The following NBPF15 variants were observed in gnomAD, a reference collection of about 807,000 sequenced individuals.
NBPF15 encodes the protein NBPF member 15.
A neutral mutation model predicts 62.2 loss-of-function variants in NBPF15; 74 were observed. That is an observed-to-expected ratio of 1.19 (90% CI 0.99 to 1.44). The LOEUF is 1.44. Among genes scored for constraint, NBPF15 ranks in the 40% most tolerant of loss-of-function variants. The probability of loss-of-function intolerance (pLI) is 0.00; values close to 1 mark genes in which losing one functional copy is unlikely to be tolerated. For synonymous variants in NBPF15, 244 were observed against 209.7 expected (o/e 1.16, Z -1.41); for missense variants, 790 against 550.0 (o/e 1.44, Z -4.36).
rs587682780 is a variant in NBPF15, at chr1:144,444,112, C to T, written c.-190-3817G>A. ...TGTGGCTATACCATGTATGTTTGTA[C>T]TTTCACTTGTTATTGGACATTTCTA... On this transcript the variant is annotated intron_variant, in intron 6 of 21. Transcript: ENST00000581897. Among the ~76,000 whole-genome samples, 867 of 151,786 alleles carry T rather than the reference C, an allele frequency of 5.7e-3. 14 individuals are homozygous for T. The highest frequency in any genetic ancestry group is 0.018 in the African/African-American group (756 of 41,324).
Position 144,424,782 on chromosome 1 carries a change from C to T in NBPF15, c.1571G>A (p.Ser524Asn). The change falls in exon 20 of 22, where the codon AGT (serine) becomes AAT (asparagine). Residue 524 changes from serine (S) to asparagine (N), a missense_variant. Physicochemically the swap from Ser to Asn is conservative, Grantham distance 46. Coordinates refer to ENST00000581897, the MANE Select transcript of NBPF15 (RefSeq NM_001385408.1). Reference sequence around the variant, plus strand: ...GCAGGAGTCAGGCTGTTCAAGACAACTGGAAGGAGTTGAATAACATCTATC... The same window carrying T: ...GCAGGAGTCAGGCTGTTCAAGACAATTGGAAGGAGTTGAATAACATCTATC... ...SLDRCYSTPSSCLEQPDSCQP... is the reference protein window; with the variant it reads ...SLDRCYSTPSNCLEQPDSCQP... 1.7e-6 allele frequency: 1 copy of T among 592,524 alleles called. No individual in the cohort carries two copies. Among genetic ancestry groups the T allele is most frequent in the East Asian group, 2.8e-5 (1 of 35,978 alleles). 36.7% of individuals were successfully genotyped at this position (592,524 alleles called of 1,614,324 possible). A position where few individuals can be genotyped will look rare whatever the true frequency, so the allele number is the denominator to read the frequency against.
intron 3 of NBPF15, among the ~76,000 whole-genome samples, chr1:144,458,135 G>A (rs1649571696): frequency 1.3e-5 from 2 of 151,836 alleles, no homozygotes; most frequent in South Asian, 4.2e-4. Flanking sequence ...CTATTATGTA[G>A]AATACTATTG....
rs1675658330 is a variant in NBPF15 at position 144,433,052 on chromosome 1, G to A, written c.824+721C>T. Among the ~76,000 whole-genome samples the A allele has an allele frequency of 1.3e-5, 2 of 151,904 alleles. 1 individual carries two copies. The highest frequency in any genetic ancestry group is 4.8e-5 in the African/African-American group (2 of 41,354). On this transcript the variant is annotated intron_variant, in intron 13 of 21. Transcript: ENST00000581897. ...TATTCCAAAATTGACCACATAGTTG[G>A]AGGTAAAGCACTCGTCAGCAAATGT...
intron 5 of NBPF15, among the ~76,000 whole-genome samples, chr1:144,449,658 C>T (rs1206557890): frequency 2.0e-5 from 3 of 151,992 alleles, no homozygotes; most frequent in Admixed American, 1.3e-4. Context: ...ACCCACAGGA[C>T]AGAGGGTCAG....
intron 4 of NBPF15, among the ~76,000 whole-genome samples, chr1:144,454,011 CTG>C (rs1692860683): frequency 8.6e-6 from 1 of 116,330 alleles, no homozygotes; most frequent in Non-Finnish European, 1.7e-5. Flanking sequence ...AATAAACAAA[CTG>C]TGTTGTAGCC....
chr1:144,430,847 C>T (rs1673645342), intron 13 of NBPF15, among the ~76,000 whole-genome samples: 1 of 151,950 alleles, frequency 6.6e-6, no homozygotes, highest in African/African-American at 2.4e-5. Context: ...AGACGAATGG[C>T]TAACCAGAAT....
At chr1:144,432,082 T>C (rs1241067012) in intron 13 of NBPF15, among the ~76,000 whole-genome samples, 1 of 152,058 alleles carries the variant, frequency 6.6e-6, no homozygotes, top group African/African-American at 2.4e-5. Flanking sequence ...CCTTCCACAA[T>C]CATTGAACTA....
At chr1:144,431,981 G>A (rs1358064032) in intron 13 of NBPF15, among the ~76,000 whole-genome samples, 3 of 151,390 alleles carry the variant, frequency 2.0e-5, no homozygotes, top group South Asian at 2.1e-4. Flanking sequence ...ACAGCAGCAT[G>A]ATTTATAATC....
chr1:144,422,743 C>G lies in NBPF15; in HGVS notation c.*270G>C. On this transcript the variant is annotated 3_prime_UTR_variant, in exon 22 of 22. Transcript: ENST00000581897. ...ATCCCTGAGGAATTTTGTAGCTACC[C>G]AGAGATACGTGGTTCAAATTAAAAT... is the stretch of plus-strand genomic sequence containing the variant. 1 of 706,244 alleles carries G rather than the reference C, an allele frequency of 1.4e-6. No homozygotes were observed. The allele number at this position is 706,244 out of a possible 1,614,324, so 43.7% of individuals were successfully genotyped here. A position where few individuals can be genotyped will look rare whatever the true frequency, so the allele number is the denominator to read the frequency against.
chr1:144,451,449 G>C (rs1352105887), intron 4 of NBPF15, among the ~76,000 whole-genome samples: 1 of 151,096 alleles, frequency 6.6e-6, no homozygotes, highest in Non-Finnish European at 1.5e-5. Context: ...GACCCTTTAC[G>C]GGTGTCGGGC....
At chr1:144,425,067 C>G (rs1196769025) in intron 19 of NBPF15, among the ~76,000 whole-genome samples, 11 of 114,248 alleles carry the variant, frequency 9.6e-5, no homozygotes, top group Non-Finnish European at 1.3e-4. Context: ...TAGACACACA[C>G]ACACACACAC....
chr1:144,452,140 A>G (rs1172890677), intron 4 of NBPF15, among the ~76,000 whole-genome samples: 2 of 151,904 alleles, frequency 1.3e-5, no homozygotes, highest in East Asian at 1.9e-4. Context: ...GAAAAGAGAA[A>G]TAACTCCATC....
In NBPF15 at chr1:144,436,911, G is replaced by A; in HGVS notation, c.477C>T (p.Val159=). ...AEGCRLTQHL[V]QKLSPENDND... ...CCACCTTACCTGGGCTGAGCTTTTGGACAAGGTGCTGTGTCAGTCTACACC... is the reference window on the plus strand; with the variant it reads ...CCACCTTACCTGGGCTGAGCTTTTGAACAAGGTGCTGTGTCAGTCTACACC... The change falls in exon 10 of 22, where the codon GTC becomes GTT. Residue 159 remains valine, a synonymous_variant. Coordinates refer to ENST00000581897, the MANE Select transcript of NBPF15 (RefSeq NM_001385408.1). The A allele has an allele frequency of 2.5e-6, 4 of 1,612,028 alleles. No individual in the cohort carries two copies. The highest frequency in any genetic ancestry group is 2.2e-5 in the South Asian group (2 of 90,974).
At chr1:144,444,262 T>G (rs1374691461) in intron 6 of NBPF15, among the ~76,000 whole-genome samples, 3 of 146,310 alleles carry the variant, frequency 2.1e-5, no homozygotes, top group African/African-American at 8.1e-5. Flanking sequence ...CAATTAAATA[T>G]TAAGAGGAAA....
chr1:144,424,573 A>T (rs1668239018), intron 20 of NBPF15, 117 bp downstream of exon 20: 4 of 647,338 alleles, frequency 6.2e-6, no homozygotes, highest in Non-Finnish European at 1.1e-5. Context: ...ATGTGCCTAT[A>T]GGTCCTCACT....
intron 5 of NBPF15, among the ~76,000 whole-genome samples, chr1:144,449,773 C>A (rs1689955901): frequency 6.6e-6 from 1 of 151,586 alleles, no homozygotes; most frequent in Admixed American, 6.6e-5. Context: ...CATGTTCCCT[C>A]ATTTTGAACT....
chr1:144,427,680 C>T (rs1670753962), intron 16 of NBPF15, 138 bp downstream of exon 16: 5 of 632,256 alleles, frequency 7.9e-6, no homozygotes, highest in Admixed American at 7.9e-5. Flanking sequence ...ACTAGAGTTT[C>T]ATTCAACCTA....
intron 6 of NBPF15, among the ~76,000 whole-genome samples, chr1:144,442,226 T>C (rs1344855463): frequency 1.1e-3 from 130 of 116,300 alleles, no homozygotes; most frequent in Non-Finnish European, 1.7e-3. Context: ...ATAATATATA[T>C]ATTAATAATA....
chr1:144,442,102 GTATA>G (rs1182526404), intron 6 of NBPF15, among the ~76,000 whole-genome samples: 1 of 100,692 alleles, frequency 9.9e-6, no homozygotes, highest in Non-Finnish European at 1.9e-5. Context: ...TGGCACACGT[GTATA>G]TATATATATA....
Sources: gnomAD v4.1 joint callset for allele counts (sites outside exome capture counted in the v4.1 genomes callset) on GRCh38, gnomAD v4.1.1 for gene constraint, MANE v1.5 for transcripts, NCBI Gene and HGNC (gene_info 2026-07-23, HGNC 2026-07-21) for gene names.